The following DOCK5 variants were observed in gnomAD, a reference collection of about 807,000 sequenced individuals.
DOCK5 encodes dedicator of cytokinesis protein 5.
Under a neutral mutation model 251.8 loss-of-function variants are expected in DOCK5, and 142 were observed. The ratio of observed to expected loss-of-function variants is 0.56; its 90% CI spans 0.49 to 0.65. The LOEUF is 0.65. Ranked by LOEUF, DOCK5 falls within the 30% of genes least tolerant of loss-of-function variation. DOCK5 has a pLI of 0.00. For missense variants in DOCK5, 2,111 were observed against 2,312.3 expected, an observed-to-expected ratio of 0.91 and a Z score of 1.79; for synonymous variants, 842 against 835.5, an observed-to-expected ratio of 1.01 and a Z score of -0.13.
At chr8:25,365,431 C>T (rs1800759062) in intron 30 of DOCK5, among the ~76,000 whole-genome samples, 1 of 152,116 alleles carries the variant, frequency 6.6e-6, no homozygotes, top group Non-Finnish European at 1.5e-5. Flanking sequence ...ACGTTTTGAA[C>T]AAAATGCACA....
chr8:25,350,128 A>G (rs557884757), intron 26 of DOCK5, among the ~76,000 whole-genome samples: 12 of 152,170 alleles, frequency 7.9e-5, no homozygotes, highest in Admixed American at 2.0e-4. Context: ...TAGATGTGTT[A>G]ATTTGACCGT....
chr8:25,334,008 A>G (rs1012003383), intron 20 of DOCK5, 88 bp from the exon 21 acceptor site: 4 of 931,836 alleles, frequency 4.3e-6, no homozygotes, highest in Non-Finnish European at 5.3e-6. Context: ...CAGAGAGGAA[A>G]GAAGGCACCG....
chr8:25,409,552 A>G (rs1801580862), intron 50 of DOCK5: 2 of 155,218 alleles, frequency 1.3e-5, no homozygotes, highest in South Asian at 3.9e-4. Flanking sequence ...TAAAACCCTG[A>G]ACAAAAAAAG....
chr8:25,380,890 G>GC (rs527686367), intron 39 of DOCK5, among the ~76,000 whole-genome samples: 3 of 149,524 alleles, frequency 2.0e-5, no homozygotes, highest in African/African-American at 4.9e-5. Context: ...AGTGGAGGCA[G>GC]CACCATTCCG....
At chr8:25,195,251 C>CTTTTT (rs59704416) in intron 1 of DOCK5, among the ~76,000 whole-genome samples, 84 of 106,198 alleles carry the variant, frequency 7.9e-4, no homozygotes, top group African/African-American at 2.9e-3. Flanking sequence ...CTCCTTATCA[C>CTTTTT]TTTTTTTTTT....
At chr8:25,314,501 C>G (rs1410250375) in intron 13 of DOCK5, among the ~76,000 whole-genome samples, 1 of 152,026 alleles carries the variant, frequency 6.6e-6, no homozygotes, top group African/African-American at 2.4e-5. Flanking sequence ...TGAGGCACCT[C>G]TCTTGTGTTT....
chr8:25,375,816 G>C, intron 37 of DOCK5: 2 of 985,244 alleles, frequency 2.0e-6, no homozygotes, highest in South Asian at 4.7e-5. Context: ...TTGTATAATG[G>C]ACTGGGCCTG....
intron 2 of DOCK5, among the ~76,000 whole-genome samples, chr8:25,244,032 A>T (rs1803029867): frequency 1.3e-5 from 2 of 152,208 alleles, no homozygotes; most frequent in South Asian, 2.1e-4. Flanking sequence ...GCACAGAAGG[A>T]TCAGTGACAG....
At chr8:25,291,341 C>G (rs888743361) in intron 5 of DOCK5, among the ~76,000 whole-genome samples, 1 of 152,056 alleles carries the variant, frequency 6.6e-6, no homozygotes, top group African/African-American at 2.4e-5. Context: ...CTTAAAATCC[C>G]TGGATGCATG....
intron 1 of DOCK5, among the ~76,000 whole-genome samples, chr8:25,187,627 C>T (rs1801467825): frequency 6.6e-6 from 1 of 151,966 alleles, no homozygotes; most frequent in South Asian, 2.1e-4. Context: ...GCTTGGAAGT[C>T]TCTCGTGGTC....
intron 47 of DOCK5, among the ~76,000 whole-genome samples, chr8:25,402,232 A>G (rs1563232245): frequency 1.3e-5 from 2 of 152,164 alleles, no homozygotes; most frequent in Non-Finnish European, 2.9e-5. Flanking sequence ...GGCTCAAGCC[A>G]TCCTCCCACC....
rs1804513321 is a variant in DOCK5 at position 25,292,296 on chromosome 8, C to T, written c.470+124C>T. The stretch of plus-strand genomic sequence containing the variant: ...GCCAAAGAATAATGCTTACTGCTCT[C>T]ATTTTGTCTTTGAAGACATTTAATT... On this transcript the variant is annotated intron_variant, in intron 6 of 51. Coordinates refer to ENST00000276440, the MANE Select transcript of DOCK5 (RefSeq NM_024940.8). 6 of 1,138,090 alleles carry T rather than the reference C, an allele frequency of 5.3e-6. No individual in the cohort carries two copies. In the Admixed American group the frequency reaches 1.3e-4, roughly 24 times the overall value. 70.5% of individuals were successfully genotyped at this position (1,138,090 alleles called of 1,614,324 possible).
chr8:25,406,343 A>G (rs117287345), intron 48 of DOCK5, among the ~76,000 whole-genome samples: 3,702 of 152,322 alleles, frequency 0.024, 62 homozygotes, highest in South Asian at 0.05. Flanking sequence ...ATGAGCATTT[A>G]TGCATCATTA....
At position 25,374,651 on chromosome 8, in the gene DOCK5, G is replaced by A; in HGVS notation, c.3813G>A (p.Leu1271=). The A allele has an allele frequency of 2.5e-6, 4 of 1,613,882 alleles. No individual in the cohort carries two copies. The highest frequency in any genetic ancestry group is 2.5e-6 in the Non-Finnish European group (3 of 1,179,838). Residue 1271 remains leucine, a synonymous_variant, in exon 37 of 52, where the codon CTG becomes CTA. Transcript: ENST00000276440. ...CGCTTCTCTTGCACGCTGAGCTTCTGCAGGTGAATGGCTCAGAGAGCTTGT... is the reference window on the plus strand; with the variant it reads ...CGCTTCTCTTGCACGCTGAGCTTCTACAGGTGAATGGCTCAGAGAGCTTGT... ...AYTLLLHAEL[L]QWSDKPCVPH... is the part of the protein sequence containing the mutation.
intron 1 of DOCK5, among the ~76,000 whole-genome samples, chr8:25,220,324 G>A (rs546536017): frequency 6.6e-6 from 1 of 152,122 alleles, no homozygotes; most frequent in Non-Finnish European, 1.5e-5. Flanking sequence ...GATGCTCTGT[G>A]TATGGCTAGG....
rs536417102 is a variant in DOCK5, at chr8:25,301,753, AG to A, written c.847-570del. Among the ~76,000 whole-genome samples, 9 of 152,214 alleles carry A rather than the reference AG, an allele frequency of 5.9e-5. No individual in the cohort carries two copies. In the East Asian group the frequency reaches 1.7e-3, roughly 29 times the overall value. The stretch of plus-strand genomic sequence containing the variant: ...GTAGAACCCTAGCTGCAAGAGAAAT[AG>A]GTATTTCATTGACACATCTGTCATG... On this transcript the variant is annotated intron_variant, in intron 9 of 51. Transcript: ENST00000276440.
At position 25,289,778 on chromosome 8, in the gene DOCK5, G is replaced by T. The variant is rs1403709958; in HGVS notation, c.322-2246G>T. Reference sequence around the variant, plus strand: ...AATCACTTGAACGCGGGATGGGGAGGTTGTCGTGAGCTGAGATCACGCCAT... The same window carrying T: ...AATCACTTGAACGCGGGATGGGGAGTTTGTCGTGAGCTGAGATCACGCCAT... On this transcript the variant is annotated intron_variant, in intron 5 of 51. Transcript: ENST00000276440. Among the ~76,000 whole-genome samples the T allele has an allele frequency of 2.0e-5, 3 of 151,954 alleles. No individual in the cohort carries two copies. In the East Asian group the frequency reaches 5.9e-4, roughly 30 times the overall value.
intron 1 of DOCK5, among the ~76,000 whole-genome samples, chr8:25,208,728 A>G (rs996703606): frequency 3.5e-4 from 53 of 152,206 alleles, no homozygotes; most frequent in African/African-American, 1.2e-3. Flanking sequence ...CTTTACTGCA[A>G]TATTTGCTTT....
At chr8:25,370,268 G>A (rs1389374542) in intron 34 of DOCK5, among the ~76,000 whole-genome samples, 1 of 152,244 alleles carries the variant, frequency 6.6e-6, no homozygotes, top group Admixed American at 6.5e-5. Flanking sequence ...GTTGGCCTCA[G>A]TGAGAGATTG....
Sources: gnomAD v4.1 joint callset for allele counts (sites outside exome capture counted in the v4.1 genomes callset) on GRCh38, gnomAD v4.1.1 for gene constraint, MANE v1.5 for transcripts, NCBI Gene and HGNC (gene_info 2026-07-23, HGNC 2026-07-21) for gene names.